SAMD13: variants seen among roughly 807,000 people sequenced by gnomAD.
SAMD13 encodes sterile alpha motif domain-containing protein 13.
SAMD13 carries 9 observed loss-of-function variants against 12.4 expected under a neutral mutation model. The observed-to-expected ratio is 0.72, with a 90% CI of 0.44 to 1.26. SAMD13 has a LOEUF of 1.26. Among genes scored for constraint, SAMD13 ranks in the 50% most tolerant of loss-of-function variants. The pLI, the probability that SAMD13 is intolerant of heterozygous loss-of-function variation, is 0.00. For synonymous variants in SAMD13, 46 were observed against 45.4 expected (o/e 1.01, Z -0.05); for missense variants, 84 against 119.6 (o/e 0.70, Z 1.39).
At chr1:84,343,688 A>G (rs1485860809) in intron 3 of SAMD13, among the ~76,000 whole-genome samples, 1 of 152,070 alleles carries the variant, frequency 6.6e-6, no homozygotes, top group Non-Finnish European at 1.5e-5. Context: ...GGAACAACAC[A>G]CACTGGGGCC....
In SAMD13 at chr1:84,350,751, T is replaced by A. The variant is rs1445540499; in HGVS notation, c.*977T>A. 3 of 152,626 alleles carry A rather than the reference T, an allele frequency of 2.0e-5. No homozygotes were observed. Among genetic ancestry groups the A allele is most frequent in the African/African-American group, 7.2e-5 (3 of 41,452 alleles). 9.5% of individuals were successfully genotyped at this position (152,626 alleles called of 1,614,324 possible). A position where few individuals can be genotyped will look rare whatever the true frequency, so the allele number is the denominator to read the frequency against. On this transcript the variant is annotated 3_prime_UTR_variant, in exon 4 of 4. Transcript: ENST00000394834. ...TGTTCAATCTCTGTGTGTCAACGCC[T>A]TGTTGAATTGGTGCTTTGTGGTTGC...
Position 84,349,822 on chromosome 1 carries a change from A to G in SAMD13, c.*48A>G, listed in dbSNP as rs1297684783. 1.3e-6 allele frequency: 2 copies of G among 1,572,176 alleles called. No individual in the cohort carries two copies. The highest frequency in any genetic ancestry group is 2.3e-5 in the East Asian group (1 of 44,400). On this transcript the variant is annotated 3_prime_UTR_variant, in exon 4 of 4. Transcript: ENST00000394834. ...ACCTCAAAAAATACATAATGACATA[A>G]TTTAGTTTCATGTAATGAAACTTTG... is the stretch of plus-strand genomic sequence containing the variant.
chr1:84,333,808 G>A (rs1312333085), intron 3 of SAMD13, among the ~76,000 whole-genome samples: 3 of 152,032 alleles, frequency 2.0e-5, no homozygotes, highest in African/African-American at 7.2e-5. Flanking sequence ...CTATTGAGAT[G>A]ACCTTGTGGC....
chr1:84,313,621 G>A (rs1218169071), intron 2 of SAMD13, among the ~76,000 whole-genome samples: 1 of 152,088 alleles, frequency 6.6e-6, no homozygotes, highest in Non-Finnish European at 1.5e-5. Context: ...TCAACAGGAA[G>A]CAGTTTATTT....
chr1:84,345,898 C>G (rs1261978314), intron 3 of SAMD13, among the ~76,000 whole-genome samples: 1 of 152,232 alleles, frequency 6.6e-6, no homozygotes, highest in South Asian at 2.1e-4. Context: ...GAGATAGGGT[C>G]TCACTATGTT....
intron 2 of SAMD13, among the ~76,000 whole-genome samples, chr1:84,320,315 A>T (rs1262984374): frequency 6.6e-6 from 1 of 152,212 alleles, no homozygotes; most frequent in Non-Finnish European, 1.5e-5. Context: ...TAAGCTAAAG[A>T]ATTTGGAATA....
intron 2 of SAMD13, 95 bp from the exon 3 acceptor site, chr1:84,325,542 A>G: frequency 1.4e-6 from 1 of 727,414 alleles, no homozygotes; most frequent in East Asian, 2.5e-5. Context: ...AACCCAAAAA[A>G]CATGAAAGGC....
At chr1:84,307,123 T>C (rs1018535527) in intron 2 of SAMD13, among the ~76,000 whole-genome samples, 1 of 152,166 alleles carries the variant, frequency 6.6e-6, no homozygotes, top group Non-Finnish European at 1.5e-5. Flanking sequence ...CCATTCGTTT[T>C]CAAATACTTT....
At chr1:84,319,858 T>A (rs945600818) in intron 2 of SAMD13, among the ~76,000 whole-genome samples, 2 of 152,146 alleles carry the variant, frequency 1.3e-5, no homozygotes, top group Non-Finnish European at 2.9e-5. Flanking sequence ...AAAGAAATTT[T>A]GCAGGAAGAT....
chr1:84,322,827 G>A (rs1018779880), intron 2 of SAMD13, among the ~76,000 whole-genome samples: 1 of 151,864 alleles, frequency 6.6e-6, no homozygotes, highest in African/African-American at 2.4e-5. Context: ...TCTTCTCTGT[G>A]GCATTGCTAT....
At chr1:84,309,844 A>G (rs1373740730) in intron 2 of SAMD13, among the ~76,000 whole-genome samples, 1 of 152,192 alleles carries the variant, frequency 6.6e-6, no homozygotes, top group Non-Finnish European at 1.5e-5. Context: ...AGAAAATGCA[A>G]GTAAAGATTA....
intron 2 of SAMD13, among the ~76,000 whole-genome samples, chr1:84,317,167 T>C (rs1570238021): frequency 6.6e-6 from 1 of 152,110 alleles, no homozygotes; most frequent in African/African-American, 2.4e-5. Flanking sequence ...CAGTTTTACT[T>C]TTTCCTTTTC....
chr1:84,320,286 G>A (rs1458787401), intron 2 of SAMD13, among the ~76,000 whole-genome samples: 1 of 152,206 alleles, frequency 6.6e-6, no homozygotes, highest in East Asian at 1.9e-4. Flanking sequence ...AGTTAGGTTT[G>A]AATCAAGCAT....
At chr1:84,326,686 A>G (rs1482315983) in intron 3 of SAMD13, among the ~76,000 whole-genome samples, 1 of 152,158 alleles carries the variant, frequency 6.6e-6, no homozygotes, top group African/African-American at 2.4e-5. Flanking sequence ...CTTTTCTAAT[A>G]TCATAATATT....
Position 84,345,299 on chromosome 1 carries a change from A to T in SAMD13, c.166-4332A>T, listed in dbSNP as rs539386883. Reference sequence around the variant, plus strand: ...GTAAGAAGTTGCTGCTGTGTTCTTTAACAGGGAGATTTTCATATGAGGCTG... The same window carrying T: ...GTAAGAAGTTGCTGCTGTGTTCTTTTACAGGGAGATTTTCATATGAGGCTG... On this transcript the variant is annotated intron_variant, in intron 3 of 3. Transcript: ENST00000394834. 73 of 442,020 alleles carry T rather than the reference A, an allele frequency of 1.7e-4. 1 individual carries two copies. The highest frequency in any genetic ancestry group is 9.0e-4 in the South Asian group (55 of 61,414). 27.4% of individuals were successfully genotyped at this position (442,020 alleles called of 1,614,324 possible).
intron 2 of SAMD13, among the ~76,000 whole-genome samples, chr1:84,312,727 T>A (rs1022495684): frequency 4.6e-5 from 7 of 152,154 alleles, no homozygotes; most frequent in African/African-American, 1.4e-4. Context: ...ACAATGGAAT[T>A]GTGTTTAACA....
At chr1:84,319,097 C>T (rs889467374) in intron 2 of SAMD13, among the ~76,000 whole-genome samples, 4 of 152,108 alleles carry the variant, frequency 2.6e-5, no homozygotes, top group Non-Finnish European at 4.4e-5. Context: ...TTCTTTCTTG[C>T]TATTGAGATC....
chr1:84,348,672 C>T (rs1679584824), intron 3 of SAMD13, among the ~76,000 whole-genome samples: 1 of 152,146 alleles, frequency 6.6e-6, no homozygotes, highest in African/African-American at 2.4e-5. Context: ...TTTGGGATCC[C>T]CATCTCTTTT....
chr1:84,347,067 C>T (rs954776283), intron 3 of SAMD13, among the ~76,000 whole-genome samples: 1 of 152,098 alleles, frequency 6.6e-6, no homozygotes, highest in Non-Finnish European at 1.5e-5. Flanking sequence ...GGTTTATTTC[C>T]ATCTTAAGGT....
Sources: gnomAD v4.1 joint callset for allele counts (sites outside exome capture counted in the v4.1 genomes callset) on GRCh38, gnomAD v4.1.1 for gene constraint, MANE v1.5 for transcripts, NCBI Gene and HGNC (gene_info 2026-07-23, HGNC 2026-07-21) for gene names.